EIF2AK2: variants seen among roughly 807,000 people sequenced by gnomAD.
EIF2AK2 encodes eukaryotic translation initiation factor 2 alpha kinase 2, also known as interferon-induced, double-stranded RNA-activated protein kinase.
In EIF2AK2, 40 loss-of-function variants were observed where a neutral mutation model predicts 70.5. The observed-to-expected ratio is 0.57, with a 90% CI of 0.44 to 0.74. The LOEUF (loss-of-function observed/expected upper bound fraction) is 0.74. Among genes scored for constraint, EIF2AK2 ranks in the 30% least tolerant of loss-of-function variants. EIF2AK2 has a pLI of 0.00. For synonymous variants in EIF2AK2, 198 were observed against 220.9 expected (o/e 0.90, Z 0.92); for missense variants, 555 against 644.3 (o/e 0.86, Z 1.50).
In EIF2AK2 at chr2:37,114,671, C is replaced by G. The variant is rs992108572; in HGVS notation, c.1377+60G>C. The G allele has an allele frequency of 5.6e-6, 8 of 1,419,830 alleles. No individual in the cohort carries two copies. The African/African-American group carries it at 1.2e-4, about 21-fold the overall frequency. 88.0% of individuals were successfully genotyped at this position (1,419,830 alleles called of 1,614,324 possible). On this transcript the variant is annotated intron_variant, in intron 14 of 16. Coordinates refer to ENST00000233057, the MANE Select transcript of EIF2AK2 (RefSeq NM_001135651.3). ...TTTAATTATATAAGTAGTGTCTACTCTTTTTATAATTTTCAAAATAAAAGA... is the reference window on the plus strand; with the variant it reads ...TTTAATTATATAAGTAGTGTCTACTGTTTTTATAATTTTCAAAATAAAAGA...
intron 10 of EIF2AK2, among the ~76,000 whole-genome samples, chr2:37,130,288 G>T (rs936035238): frequency 8.5e-5 from 13 of 152,088 alleles, no homozygotes; most frequent in African/African-American, 3.1e-4. Flanking sequence ...TTTTAGTAGA[G>T]ATGGGGTTTC....
chr2:37,129,063 T>C (rs1364259495), intron 10 of EIF2AK2, among the ~76,000 whole-genome samples: 1 of 151,780 alleles, frequency 6.6e-6, no homozygotes, highest in African/African-American at 2.4e-5. Flanking sequence ...ACCCCAGATA[T>C]TCGGAAAAAA....
At chr2:37,148,550 G>A in intron 2 of EIF2AK2, 1 of 741,882 alleles carries the variant, frequency 1.3e-6, no homozygotes, top group Non-Finnish European at 2.4e-6. Context: ...GATAGTTGCA[G>A]TCCAGCTTCG....
intron 12 of EIF2AK2, among the ~76,000 whole-genome samples, 164 bp downstream of exon 12, chr2:37,122,342 T>C (rs753734701): frequency 2.6e-5 from 4 of 152,114 alleles, no homozygotes; most frequent in African/African-American, 9.7e-5. Flanking sequence ...AAGGAAGAGA[T>C]TTTCACTTTC....
intron 15 of EIF2AK2, among the ~76,000 whole-genome samples, chr2:37,108,660 C>A (rs4648244): frequency 0.011 from 1,637 of 152,252 alleles, 32 homozygotes; most frequent in African/African-American, 0.037. Flanking sequence ...ACCTCCGCCT[C>A]CCAGGTTCAA....
At chr2:37,132,367 G>A (rs28501457) in intron 10 of EIF2AK2, among the ~76,000 whole-genome samples, 1 of 152,136 alleles carries the variant, frequency 6.6e-6, no homozygotes, top group African/African-American at 2.4e-5. Flanking sequence ...TGAGGCGGGC[G>A]GATCACGAGG....
chr2:37,113,126 T>A (rs1418353442), intron 14 of EIF2AK2, among the ~76,000 whole-genome samples: 1 of 152,184 alleles, frequency 6.6e-6, no homozygotes, highest in Admixed American at 6.5e-5. Context: ...CCAAAAAATA[T>A]TTTCATAATC....
Position 37,101,503 on chromosome 2 carries a change from T to C in EIF2AK2, c.*5770A>G, listed in dbSNP as rs1673824949. 1 of 152,170 alleles carries C rather than the reference T, an allele frequency of 6.6e-6. No individual in the cohort carries two copies. Among genetic ancestry groups the C allele is most frequent in the African/African-American group, 2.4e-5 (1 of 41,446 alleles). The allele number at this position is 152,170 out of a possible 1,614,324, so 9.4% of individuals were successfully genotyped here. ...TGATCAATATTAAAATCACTGAAAGTGGAACAATCAGACATCATGTTCCTC... is the reference window on the plus strand; with the variant it reads ...TGATCAATATTAAAATCACTGAAAGCGGAACAATCAGACATCATGTTCCTC... On this transcript the variant is annotated 3_prime_UTR_variant, in exon 17 of 17. Transcript: ENST00000233057.
At chr2:37,142,491 T>A (rs1675369731) in intron 4 of EIF2AK2, among the ~76,000 whole-genome samples, 1 of 152,118 alleles carries the variant, frequency 6.6e-6, no homozygotes, top group Non-Finnish European at 1.5e-5. Flanking sequence ...ATTGATCTTT[T>A]TTTTTTATTT....
rs186445715 is a variant in EIF2AK2 at position 37,112,676 on chromosome 2, G to A, written c.1377+2055C>T. ...AAGAGAGAAATATAAAATAAATTAAGGAAACAGAACAAAGTCCAGAAACAC... is the reference window on the plus strand; with the variant it reads ...AAGAGAGAAATATAAAATAAATTAAAGAAACAGAACAAAGTCCAGAAACAC... On this transcript the variant is annotated intron_variant, in intron 14 of 16. Coordinates refer to ENST00000233057, the MANE Select transcript of EIF2AK2 (RefSeq NM_001135651.3). Among the ~76,000 whole-genome samples the A allele has an allele frequency of 1.6e-3, 239 of 152,152 alleles. 2 individuals carry two copies. Among genetic ancestry groups the A allele is most frequent in the African/African-American group, 5.4e-3 (226 of 41,518 alleles).
chr2:37,146,699 T>C (rs369005888), intron 4 of EIF2AK2, among the ~76,000 whole-genome samples, 154 bp downstream of exon 4: 21 of 152,316 alleles, frequency 1.4e-4, no homozygotes, highest in African/African-American at 4.3e-4. Flanking sequence ...CAGGGTTTCA[T>C]AGAAATGAAG....
At chr2:37,151,981 GCGTGA>G (rs1436237734) in intron 1 of EIF2AK2, among the ~76,000 whole-genome samples, 1 of 152,248 alleles carries the variant, frequency 6.6e-6, no homozygotes, top group Admixed American at 6.5e-5. Context: ...CAGGAGAATG[GCGTGA>G]ACCCGGCAGG....
intron 6 of EIF2AK2, 126 bp downstream of exon 6, chr2:37,139,505 A>G (rs1675253020): frequency 3.7e-6 from 5 of 1,363,170 alleles, no homozygotes; most frequent in South Asian, 2.8e-5. Flanking sequence ...TCGGTACGAC[A>G]CAGAATGGAG....
chr2:37,156,293 T>C (rs1675921643), intron 1 of EIF2AK2, among the ~76,000 whole-genome samples: 1 of 152,032 alleles, frequency 6.6e-6, no homozygotes, highest in South Asian at 2.1e-4. Flanking sequence ...TAAATGTTTA[T>C]AGGATTCTGA....
chr2:37,107,645 CT>C (rs1674008126), intron 15 of EIF2AK2, 118 bp from the exon 16 acceptor site: 4 of 1,142,216 alleles, frequency 3.5e-6, no homozygotes, highest in South Asian at 3.0e-5. Flanking sequence ...GGGAAAGTCT[CT>C]TTAGCCAAGA....
chr2:37,150,631 T>A (rs1160814671), intron 1 of EIF2AK2, among the ~76,000 whole-genome samples: 1 of 152,208 alleles, frequency 6.6e-6, no homozygotes, highest in Non-Finnish European at 1.5e-5. Flanking sequence ...CAGGGAAAAC[T>A]GATTTACACA....
chr2:37,155,899 C>G (rs1675904466), intron 1 of EIF2AK2, among the ~76,000 whole-genome samples: 1 of 149,852 alleles, frequency 6.7e-6, no homozygotes, highest in South Asian at 2.1e-4. Context: ...CCAGATCGTG[C>G]CACTGCATTC....
intron 13 of EIF2AK2, among the ~76,000 whole-genome samples, chr2:37,116,648 A>G (rs558611943): frequency 2.0e-4 from 31 of 152,326 alleles, no homozygotes; most frequent in African/African-American, 7.5e-4. Context: ...TTAGAATTCA[A>G]TTAACAGTCA....
In EIF2AK2 at chr2:37,120,138, A is replaced by C; in HGVS notation, c.1069T>G (p.Ser357Ala). Residue 357 changes from serine to alanine, a missense_variant and splice_region_variant, in exon 13 of 17, where the codon TCA becomes GCA. By Grantham distance (99) the Ser-to-Ala change is moderately conservative. This residue lies in a region of EIF2AK2 where 299 missense variants were observed against 375.4 expected (regional missense o/e 0.80). Coordinates refer to ENST00000233057, the MANE Select transcript of EIF2AK2 (RefSeq NM_001135651.3). ...DPENSKNSSRSKTKCLFIQME... is the reference protein window; with the variant it reads ...DPENSKNSSRAKTKCLFIQME... Reference sequence around the variant, plus strand: ...TGGATGAAAAGGCACTTAGTCTTTGACCTGGGTATAAAATTCACAGTATGT... The same window carrying C: ...TGGATGAAAAGGCACTTAGTCTTTGCCCTGGGTATAAAATTCACAGTATGT... The C allele has an allele frequency of 7.1e-7, 1 of 1,414,176 alleles. No individual in the cohort carries two copies. Among genetic ancestry groups the C allele is most frequent in the Admixed American group, 2.5e-5 (1 of 40,242 alleles). The allele number at this position is 1,414,176 out of a possible 1,614,324, so 87.6% of individuals were successfully genotyped here.
Sources: allele counts gnomAD v4.1 joint callset (sites outside exome capture counted in the v4.1 genomes callset), GRCh38; gene constraint gnomAD v4.1.1; regional missense constraint gnomAD v4.1.1; transcripts MANE v1.5; gene names NCBI Gene and HGNC (gene_info 2026-07-23, HGNC 2026-07-21).